NUBPL: variants seen among roughly 807,000 people sequenced by gnomAD.
The protein encoded by NUBPL is NUBP iron-sulfur cluster assembly factor, mitochondrial.
NUBPL carries 31 observed loss-of-function variants against 45.7 expected under a neutral mutation model. The observed-to-expected ratio is 0.68, with a 90% CI of 0.51 to 0.92. The LOEUF (loss-of-function observed/expected upper bound fraction) is 0.92, where lower values mean the gene tolerates loss of function less well. Among genes scored for constraint, NUBPL ranks in the 40% least tolerant of loss-of-function variants. The pLI, the probability that NUBPL is intolerant of heterozygous loss-of-function variation, is 0.00. For synonymous variants in NUBPL, 144 were observed against 140.9 expected, an observed-to-expected ratio of 1.02 and a Z score of -0.15; for missense variants, 401 against 398.7, an observed-to-expected ratio of 1.01 and a Z score of -0.05.
chr14:31,785,779 A>G, intron 6 of NUBPL, among the ~76,000 whole-genome samples: 1 of 152,228 alleles, frequency 6.6e-6, no homozygotes, highest in East Asian at 1.9e-4. Flanking sequence ...CACCCAGTCA[A>G]TTCTCAATTC....
chr14:31,764,738 T>A (rs1356464442), intron 6 of NUBPL, among the ~76,000 whole-genome samples: 1 of 152,190 alleles, frequency 6.6e-6, no homozygotes, highest in Admixed American at 6.5e-5. Context: ...TGCATAAAAT[T>A]TGGTCCATTC....
chr14:31,585,174 T>C (rs1382764281), intron 3 of NUBPL, among the ~76,000 whole-genome samples: 1 of 152,140 alleles, frequency 6.6e-6, no homozygotes, highest in Non-Finnish European at 1.5e-5. Flanking sequence ...CTGGGCCACA[T>C]TGGAAGAAGA....
rs112504963 is a variant in NUBPL at position 31,585,501 on chromosome 14, A to G, written c.292-13788A>G. Among the ~76,000 whole-genome samples, 113 of 152,324 alleles carry G rather than the reference A, an allele frequency of 7.4e-4. 1 individual carries two copies. Among genetic ancestry groups the G allele is most frequent in the African/African-American group, 2.5e-3 (102 of 41,582 alleles). On this transcript the variant is annotated intron_variant, in intron 3 of 10. Transcript: ENST00000281081. ...TTTGGCTATCATGACTCATGCTGCTATGAACATTTGTGTGCAAATTTTCGT... is the reference window on the plus strand; with the variant it reads ...TTTGGCTATCATGACTCATGCTGCTGTGAACATTTGTGTGCAAATTTTCGT...
intron 10 of NUBPL, among the ~76,000 whole-genome samples, chr14:31,858,257 A>G (rs2040656819): frequency 6.6e-6 from 1 of 152,166 alleles, no homozygotes; most frequent in South Asian, 2.1e-4. Flanking sequence ...ATCACCTCCT[A>G]CTGGGTTCCT....
At chr14:31,571,473 T>C (rs1335076519) in intron 3 of NUBPL, among the ~76,000 whole-genome samples, 1 of 151,890 alleles carries the variant, frequency 6.6e-6, no homozygotes, top group African/African-American at 2.4e-5. Context: ...TCTTTTTTTT[T>C]TTTTCTCACT....
chr14:31,625,997 A>G (rs1431281622), intron 4 of NUBPL, among the ~76,000 whole-genome samples: 1 of 152,234 alleles, frequency 6.6e-6, no homozygotes, highest in Middle Eastern at 3.4e-3. Context: ...AAGGTAATGG[A>G]AAGATCATGT....
chr14:31,646,530 T>C (rs2035857743), intron 4 of NUBPL, among the ~76,000 whole-genome samples: 1 of 152,210 alleles, frequency 6.6e-6, no homozygotes, highest in Non-Finnish European at 1.5e-5. Context: ...GAAAATGTTA[T>C]TCTTTTCCCT....
intron 7 of NUBPL, among the ~76,000 whole-genome samples, chr14:31,812,678 A>G (rs2039832168): frequency 6.6e-6 from 1 of 152,176 alleles, no homozygotes; most frequent in Admixed American, 6.5e-5. Flanking sequence ...TGAACCAGGT[A>G]CCTCAGTTGG....
At chr14:31,808,664 G>T (rs1489069730) in intron 7 of NUBPL, among the ~76,000 whole-genome samples, 1 of 152,184 alleles carries the variant, frequency 6.6e-6, no homozygotes, top group South Asian at 2.1e-4. Flanking sequence ...TTGAATAGGA[G>T]TGGCGAGAGA....
rs35705230 is a variant in NUBPL, at chr14:31,669,809, G to GTTTT, written c.383-3536_383-3533dup. Among the ~76,000 whole-genome samples, 47 of 51,530 alleles carry GTTTT rather than the reference G, an allele frequency of 9.1e-4. 3 individuals carry two copies. The highest frequency in any genetic ancestry group is 1.2e-3 in the Non-Finnish European group (39 of 31,818). 33.8% of individuals were successfully genotyped at this position (51,530 alleles called of 152,430 possible). A position where few individuals can be genotyped will look rare whatever the true frequency, so the allele number is the denominator to read the frequency against. On this transcript the variant is annotated intron_variant, in intron 4 of 10. Transcript: ENST00000281081. Reference sequence around the variant, plus strand: ...AGACATGATCTTGGTTTTTTTTTTTGTTTTTTTTTTTTTACGGCTGCCTAG... The same window carrying GTTTT: ...AGACATGATCTTGGTTTTTTTTTTTGTTTTTTTTTTTTTTTTTACGGCTGCCTAG...
At chr14:31,851,240 T>C (rs1190473767) in intron 10 of NUBPL, among the ~76,000 whole-genome samples, 2 of 151,702 alleles carry the variant, frequency 1.3e-5, no homozygotes, top group East Asian at 3.8e-4. Context: ...TTTTTCTTTT[T>C]TTTTTTTTTT....
chr14:31,784,341 A>G (rs2039247426), intron 6 of NUBPL, among the ~76,000 whole-genome samples: 1 of 152,108 alleles, frequency 6.6e-6, no homozygotes, highest in Non-Finnish European at 1.5e-5. Flanking sequence ...TCTTAAGACA[A>G]TGTGATAGTC....
chr14:31,857,009 A>C (rs1440787516), intron 10 of NUBPL, among the ~76,000 whole-genome samples: 1 of 152,172 alleles, frequency 6.6e-6, no homozygotes, highest in Non-Finnish European at 1.5e-5. Context: ...CTCTGACCCC[A>C]CATTTCTCTT....
chr14:31,853,288 T>C (rs1403408132), intron 10 of NUBPL, among the ~76,000 whole-genome samples: 4 of 152,126 alleles, frequency 2.6e-5, no homozygotes, highest in Non-Finnish European at 5.9e-5. Context: ...ACTCCTGAGC[T>C]CAGGAGATTC....
intron 4 of NUBPL, among the ~76,000 whole-genome samples, chr14:31,670,834 C>A (rs1327276492): frequency 6.6e-6 from 1 of 151,986 alleles, no homozygotes; most frequent in African/African-American, 2.4e-5. Flanking sequence ...GGTCCATGTG[C>A]CTGTTTTTGT....
At chr14:31,778,001 C>T (rs1025110262) in intron 6 of NUBPL, among the ~76,000 whole-genome samples, 7 of 152,226 alleles carry the variant, frequency 4.6e-5, no homozygotes, top group African/African-American at 1.4e-4. Flanking sequence ...CCTTCCTGTG[C>T]AGCTCCTTCA....
At chr14:31,841,252 T>C (rs1466163041) in intron 8 of NUBPL, among the ~76,000 whole-genome samples, 1 of 152,232 alleles carries the variant, frequency 6.6e-6, no homozygotes, top group Non-Finnish European at 1.5e-5. Context: ...TCAGTTTATG[T>C]AGATACTGCC....
intron 7 of NUBPL, among the ~76,000 whole-genome samples, chr14:31,817,334 A>G (rs917432068): frequency 1.3e-5 from 2 of 152,138 alleles, no homozygotes; most frequent in African/African-American, 4.8e-5. Context: ...AGAACACTGC[A>G]AAGATACCCC....
At chr14:31,814,119 A>G (rs976364641) in intron 7 of NUBPL, among the ~76,000 whole-genome samples, 13 of 152,228 alleles carry the variant, frequency 8.5e-5, no homozygotes, top group Non-Finnish European at 1.3e-4. Context: ...ACTGTCTTCC[A>G]CAATGGTTGA....
Sources: gnomAD v4.1 joint callset for allele counts (sites outside exome capture counted in the v4.1 genomes callset) on GRCh38, gnomAD v4.1.1 for gene constraint, MANE v1.5 for transcripts, NCBI Gene and HGNC (gene_info 2026-07-23, HGNC 2026-07-21) for gene names.